KLF8: variants seen among roughly 807,000 people sequenced by gnomAD.
KLF8 encodes the protein KLF transcription factor 8.
Under a neutral mutation model 18.2 loss-of-function variants are expected in KLF8, and 10 were observed. The observed-to-expected ratio is 0.55, with a 90% confidence interval of 0.34 to 0.93. The LOEUF is 0.93. Ranked by LOEUF, KLF8 falls within the 40% of genes least tolerant of loss-of-function variation. The probability of loss-of-function intolerance (pLI) is 0.02; values close to 1 mark genes in which losing one functional copy is unlikely to be tolerated. For missense variants in KLF8, 264 were observed against 277.9 expected, an observed-to-expected ratio of 0.95 and a Z score of 0.36; for synonymous variants, 109 against 97.3, an observed-to-expected ratio of 1.12 and a Z score of -0.71.
chrX:56,048,890 C>G, the KLF8 span, among the ~76,000 whole-genome samples: 21 of 111,593 alleles, frequency 1.9e-4, no homozygotes, highest in Non-Finnish European at 1.9e-4. Context: ...TTGATTCTTC[C>G]TACCCATAAG....
chrX:56,270,381 C>CACACACA, intron 5 of KLF8, 60 bp downstream of exon 5: 1 of 779,219 alleles, frequency 1.3e-6, no homozygotes, highest in Non-Finnish European at 1.6e-6. Flanking sequence ...CACACACACA[C>CACACACA]GAGAGAGAGA....
chrX:56,202,906 T>C, the KLF8 span, among the ~76,000 whole-genome samples: 2 of 111,400 alleles, frequency 1.8e-5, no homozygotes, highest in African/African-American at 6.5e-5. Context: ...AGATATCTCT[T>C]TGATATACTG....
chrX:56,266,354 C>T, intron 3 of KLF8: 1 of 745,403 alleles, frequency 1.3e-6, no homozygotes. Context: ...TTCCATTTTA[C>T]TTATTTATTT....
intron 1 of KLF8, among the ~76,000 whole-genome samples, chrX:56,246,234 T>A (rs189559417): frequency 4.7e-4 from 53 of 112,109 alleles, no homozygotes; most frequent in Middle Eastern, 9.2e-3. Flanking sequence ...GATGGGCAGT[T>A]ATAGTTCTGG....
the KLF8 span, among the ~76,000 whole-genome samples, chrX:56,003,908 A>G: frequency 8.9e-6 from 1 of 112,442 alleles, no homozygotes; most frequent in African/African-American, 3.2e-5. Flanking sequence ...AACGTATCTT[A>G]TGTTATTCAC....
the KLF8 span, among the ~76,000 whole-genome samples, chrX:56,177,691 C>T: frequency 9.0e-6 from 1 of 111,622 alleles, no homozygotes; most frequent in African/African-American, 3.3e-5. Context: ...CTATTCCCTG[C>T]CCCCAGAGGT....
At chrX:55,988,245 C>T in the KLF8 span, among the ~76,000 whole-genome samples, 2 of 110,727 alleles carry the variant, frequency 1.8e-5, no homozygotes, top group African/African-American at 3.3e-5. Context: ...GTTGCCATTG[C>T]TTTTGGTGTT....
At chrX:56,220,818 A>C in the KLF8 span, among the ~76,000 whole-genome samples, 1 of 111,729 alleles carries the variant, frequency 9.0e-6, no homozygotes, top group Non-Finnish European at 1.9e-5. Context: ...GCTGTCATAG[A>C]CTCTTAATTC....
chrX:56,141,882 A>G, the KLF8 span, among the ~76,000 whole-genome samples: 2 of 112,036 alleles, frequency 1.8e-5, no homozygotes, highest in Non-Finnish European at 3.8e-5. Flanking sequence ...CAAAAGTTAT[A>G]TGAACAAAAA....
In KLF8 at chrX:56,289,838, C is replaced by A. The variant is rs567360653; in HGVS notation, c.*5344C>A. Among the ~76,000 whole-genome samples, 29 of 111,650 alleles carry A rather than the reference C, an allele frequency of 2.6e-4. No individual in the cohort carries two copies. In the South Asian group the frequency reaches 0.011, roughly 42 times the overall value. ...TTAGAACTCCAACAGCTCTTTGAAA[C>A]AAAGTGGTCTGCAAAATTCTGGAAT... is the stretch of plus-strand genomic sequence containing the variant. On this transcript the variant is annotated 3_prime_UTR_variant, in exon 6 of 6. Transcript: ENST00000468660.
intron 5 of KLF8, among the ~76,000 whole-genome samples, chrX:56,281,868 A>G (rs895637239): frequency 8.9e-6 from 1 of 112,804 alleles, no homozygotes; most frequent in Non-Finnish European, 1.9e-5. Flanking sequence ...AGCTTGTTCA[A>G]TGATAATACA....
chrX:56,204,395 AT>A, the KLF8 span, among the ~76,000 whole-genome samples: 2 of 111,418 alleles, frequency 1.8e-5, no homozygotes, highest in East Asian at 5.6e-4. Flanking sequence ...TTCCCTTCCA[AT>A]TTTGATTTCC....
chrX:56,034,064 G>A, the KLF8 span, among the ~76,000 whole-genome samples: 2 of 111,781 alleles, frequency 1.8e-5, no homozygotes, highest in African/African-American at 3.3e-5. Context: ...TAAGATTTTG[G>A]ATGTAATCCC....
chrX:55,908,238 G>T, the KLF8 span: 1 of 244,811 alleles, frequency 4.1e-6, no homozygotes. Context: ...CAAAGGGGGC[G>T]GGGAGGCCGC....
the KLF8 span, among the ~76,000 whole-genome samples, chrX:56,029,467 A>G: frequency 9.0e-6 from 1 of 110,658 alleles, no homozygotes; most frequent in Non-Finnish European, 1.9e-5. Context: ...CTCCTATTAT[A>G]TCAGCGGTTT....
the KLF8 span, among the ~76,000 whole-genome samples, chrX:56,013,309 G>A: frequency 8.9e-6 from 1 of 112,493 alleles, no homozygotes; most frequent in Non-Finnish European, 1.9e-5. Flanking sequence ...AATGCCTGTA[G>A]CCCCATTGTA....
At chrX:55,995,991 G>T in the KLF8 span, among the ~76,000 whole-genome samples, 1 of 110,966 alleles carries the variant, frequency 9.0e-6, no homozygotes, top group African/African-American at 3.3e-5. Context: ...CTCTTTCGGG[G>T]ACACCAATGA....
chrX:56,124,747 G>T, the KLF8 span, among the ~76,000 whole-genome samples: 163 of 111,737 alleles, frequency 1.5e-3, 1 homozygote, highest in Admixed American at 2.5e-3. Flanking sequence ...TTAAGTCTTG[G>T]CTATGGCTAA....
the KLF8 span, among the ~76,000 whole-genome samples, chrX:56,142,176 T>C: frequency 1.5e-3 from 166 of 111,915 alleles, no homozygotes; most frequent in African/African-American, 5.1e-3. Flanking sequence ...GTTTGTTATT[T>C]TTAACTATAG....
Sources: gnomAD v4.1 joint callset for allele counts (sites outside exome capture counted in the v4.1 genomes callset) on GRCh38, gnomAD v4.1.1 for gene constraint, MANE v1.5 for transcripts, NCBI Gene and HGNC (gene_info 2026-07-23, HGNC 2026-07-21) for gene names.